The following ICA1L variants were observed in gnomAD, a reference collection of about 807,000 sequenced individuals.
ICA1L encodes islet cell autoantigen 1 like.
In ICA1L, 50 loss-of-function variants were observed where a neutral mutation model predicts 61.3. The observed-to-expected ratio is 0.82, with a 90% CI of 0.65 to 1.03. The LOEUF (loss-of-function observed/expected upper bound fraction) is 1.03. ICA1L is among the 50% of genes least tolerant of loss of function. The pLI, the probability that ICA1L is intolerant of heterozygous loss-of-function variation, is 0.00. For missense variants in ICA1L, 508 were observed against 556.7 expected (o/e 0.91, Z 0.88); for synonymous variants, 161 against 191.3 (o/e 0.84, Z 1.31).
At chr2:202,826,607 G>A (rs1693849139) in intron 2 of ICA1L, among the ~76,000 whole-genome samples, 1 of 152,128 alleles carries the variant, frequency 6.6e-6, no homozygotes, top group Admixed American at 6.5e-5. Context: ...GAGTAGCTGG[G>A]ATTACAGATG....
Position 202,852,531 on chromosome 2 carries a change from G to A in ICA1L, c.-8+19088C>T, listed in dbSNP as rs183993476. 4.9e-4 allele frequency among the ~76,000 whole-genome samples: 74 copies of A among 151,632 alleles called. 1 individual carries two copies. Among genetic ancestry groups the A allele is most frequent in the Admixed American group, 3.8e-3 (58 of 15,234 alleles). Reference sequence around the variant, plus strand: ...TAAAAACACAAAAAAATTACCGGGCGTGGTGGCAGGCACCTGTGGTCCCAG... The same window carrying A: ...TAAAAACACAAAAAAATTACCGGGCATGGTGGCAGGCACCTGTGGTCCCAG... On this transcript the variant is annotated intron_variant, in intron 1 of 12. Coordinates refer to ENST00000358299, the MANE Select transcript of ICA1L (RefSeq NM_001288622.3).
chr2:202,791,763 T>G (rs533862266), intron 10 of ICA1L, among the ~76,000 whole-genome samples: 1 of 152,214 alleles, frequency 6.6e-6, no homozygotes, highest in South Asian at 2.1e-4. Flanking sequence ...GAGAATCACT[T>G]GAACTTGGGA....
chr2:202,806,168 A>C (rs1053770688), intron 9 of ICA1L, among the ~76,000 whole-genome samples: 1 of 152,156 alleles, frequency 6.6e-6, no homozygotes, highest in South Asian at 2.1e-4. Flanking sequence ...CAGGCAGTGC[A>C]GCTTACAGCT....
At chr2:202,786,529 C>A (rs1231604619) in intron 11 of ICA1L, 1 of 223,064 alleles carries the variant, frequency 4.5e-6, no homozygotes, top group Non-Finnish European at 8.9e-6. Flanking sequence ...GCAGTCCGGC[C>A]TGGGCGACAG....
At chr2:202,848,978 C>T (rs535910686) in intron 1 of ICA1L, among the ~76,000 whole-genome samples, 2 of 152,124 alleles carry the variant, frequency 1.3e-5, no homozygotes, top group South Asian at 4.2e-4. Flanking sequence ...TGGGTACAGC[C>T]CACGGAGGGC....
intron 9 of ICA1L, among the ~76,000 whole-genome samples, chr2:202,802,101 G>A (rs1487612883): frequency 6.6e-6 from 1 of 152,072 alleles, no homozygotes; most frequent in Non-Finnish European, 1.5e-5. Flanking sequence ...GAAAGAACAA[G>A]GGACTATAAA....
intron 6 of ICA1L, among the ~76,000 whole-genome samples, chr2:202,816,470 A>C (rs1428490527): frequency 6.6e-6 from 1 of 152,236 alleles, no homozygotes; most frequent in African/African-American, 2.4e-5. Flanking sequence ...AGTTCAAGAA[A>C]GATTTGCCAA....
chr2:202,821,563 A>G, intron 3 of ICA1L, 82 bp from the exon 4 acceptor site: 1 of 1,014,548 alleles, frequency 9.9e-7, no homozygotes, highest in Non-Finnish European at 1.4e-6. Context: ...ATCTCACAGC[A>G]ATAACTCTCT....
Position 202,778,288 on chromosome 2 carries a change from A to G in ICA1L, c.*1245T>C, listed in dbSNP as rs1185624043. 2.0e-5 allele frequency: 3 copies of G among 152,200 alleles called. No individual in the cohort carries two copies. Among genetic ancestry groups the G allele is most frequent in the South Asian group, 4.1e-4 (2 of 4,828 alleles). 9.4% of individuals were successfully genotyped at this position (152,200 alleles called of 1,614,324 possible). ...TAAAGGGTGGGCAATTTAAAAGGAC[A>G]GGAAATTGAGTGATTGATGTGTGTG... On this transcript the variant is annotated 3_prime_UTR_variant, in exon 13 of 13. Transcript: ENST00000358299.
intron 1 of ICA1L, among the ~76,000 whole-genome samples, chr2:202,830,363 A>G (rs989773263): frequency 2.6e-5 from 4 of 152,156 alleles, no homozygotes; most frequent in Admixed American, 6.5e-5. Flanking sequence ...AGCCAAGATC[A>G]CGCCACTGCA....
rs1692118183 is a variant in ICA1L, at chr2:202,773,482, A to AAG, written c.*6049_*6050dup. 1 of 262,046 alleles carries AAG rather than the reference A, an allele frequency of 3.8e-6. No individual in the cohort carries two copies. Among genetic ancestry groups the AAG allele is most frequent in the Non-Finnish European group, 7.3e-6 (1 of 137,074 alleles). The allele number at this position is 262,046 out of a possible 1,614,324, so 16.2% of individuals were successfully genotyped here. On this transcript the variant is annotated 3_prime_UTR_variant, in exon 13 of 13. Transcript: ENST00000358299. ...TCAATTAGGGATGTTTATCTCCAAC[A>AAG]AGACACTGTCAAAATGTTTCTTCTG... is the stretch of plus-strand genomic sequence containing the variant.
At chr2:202,816,546 A>G (rs543357041) in intron 6 of ICA1L, among the ~76,000 whole-genome samples, 1 of 152,332 alleles carries the variant, frequency 6.6e-6, no homozygotes, top group Admixed American at 6.5e-5. Flanking sequence ...GTTCCTGATT[A>G]AAGTGAGGAG....
At chr2:202,801,529 G>A (rs1216353436) in intron 9 of ICA1L, among the ~76,000 whole-genome samples, 1 of 152,124 alleles carries the variant, frequency 6.6e-6, no homozygotes, top group East Asian at 1.9e-4. Flanking sequence ...CTCAAAGTCT[G>A]GGATGTTTAC....
At chr2:202,859,494 C>A (rs1404355709) in intron 1 of ICA1L, among the ~76,000 whole-genome samples, 1 of 152,148 alleles carries the variant, frequency 6.6e-6, no homozygotes, top group East Asian at 1.9e-4. Context: ...ATGATTGGCA[C>A]TGTAATCATA....
intron 10 of ICA1L, among the ~76,000 whole-genome samples, chr2:202,790,794 C>A (rs1692723510): frequency 6.6e-6 from 1 of 152,132 alleles, no homozygotes; most frequent in Admixed American, 6.5e-5. Context: ...GCCAAGAAGA[C>A]CTAAGGCTAC....
intron 1 of ICA1L, among the ~76,000 whole-genome samples, chr2:202,866,901 C>T (rs371953037): frequency 9.4e-4 from 143 of 152,088 alleles, no homozygotes; most frequent in African/African-American, 3.0e-3. Context: ...GAGCCGAGAT[C>T]GTGCCACTAC....
intron 9 of ICA1L, among the ~76,000 whole-genome samples, chr2:202,798,605 T>C (rs192493287): frequency 6.6e-6 from 1 of 152,320 alleles, no homozygotes; most frequent in East Asian, 1.9e-4. Context: ...TTTCGCTATG[T>C]GTATATAATG....
chr2:202,804,336 G>C (rs1693168384), intron 9 of ICA1L, among the ~76,000 whole-genome samples: 1 of 152,224 alleles, frequency 6.6e-6, no homozygotes, highest in South Asian at 2.1e-4. Flanking sequence ...GCAGGGACAA[G>C]CTGTGTAAGG....
Position 202,774,191 on chromosome 2 carries a change from AG to A in ICA1L, c.*5341del. 2 of 1,550,926 alleles carry A rather than the reference AG, an allele frequency of 1.3e-6. No homozygotes were observed. Among genetic ancestry groups the A allele is most frequent in the Admixed American group, 2.0e-5 (1 of 50,964 alleles). On this transcript the variant is annotated 3_prime_UTR_variant, in exon 13 of 13. Transcript: ENST00000358299. Reference sequence around the variant, plus strand: ...CGGCTTCTTGGAGAGCGGGCACACCAGGAACTCCAGCAGCGCCGGATCGAAG... The same window carrying A: ...CGGCTTCTTGGAGAGCGGGCACACCAGAACTCCAGCAGCGCCGGATCGAAG...
Sources: allele counts gnomAD v4.1 joint callset (sites outside exome capture counted in the v4.1 genomes callset), GRCh38; gene constraint gnomAD v4.1.1; transcripts MANE v1.5; gene names NCBI Gene and HGNC (gene_info 2026-07-23, HGNC 2026-07-21).